Variants in ANKIB1 observed in about 807,000 individuals in gnomAD.
The protein encoded by ANKIB1 is ankyrin repeat and IBR domain containing 1, also known as ankyrin repeat and IBR domain-containing protein 1.
ANKIB1 carries 43 observed loss-of-function variants against 122.1 expected under a neutral mutation model. The observed-to-expected ratio is 0.35, with a 90% CI of 0.28 to 0.45. ANKIB1 has a LOEUF of 0.45. Ranked by LOEUF, ANKIB1 falls within the 20% of genes least tolerant of loss-of-function variation. The pLI is 1.00. For missense variants in ANKIB1, 992 were observed against 1,329.5 expected (o/e 0.75, Z 3.95); for synonymous variants, 390 against 442.0 (o/e 0.88, Z 1.48).
At chr7:92,367,270 A>C (rs1804109118) in intron 10 of ANKIB1, among the ~76,000 whole-genome samples, 2 of 152,338 alleles carry the variant, frequency 1.3e-5, no homozygotes. Flanking sequence ...AAAGCCTAGG[A>C]GTTTTCTCAC....
At chr7:92,276,172 A>C (rs1218645818) in intron 1 of ANKIB1, among the ~76,000 whole-genome samples, 2 of 152,208 alleles carry the variant, frequency 1.3e-5, no homozygotes, top group Non-Finnish European at 2.9e-5. Flanking sequence ...TATATGTAAA[A>C]TCAGGATTCT....
intron 11 of ANKIB1, among the ~76,000 whole-genome samples, chr7:92,384,755 A>G (rs183529591): frequency 1.3e-4 from 20 of 152,322 alleles, no homozygotes; most frequent in Admixed American, 1.0e-3. Flanking sequence ...TTAAAGACTT[A>G]ACTATTAGAC....
chr7:92,394,219 A>G (rs1239454356), intron 17 of ANKIB1, among the ~76,000 whole-genome samples: 2 of 152,192 alleles, frequency 1.3e-5, no homozygotes, highest in African/African-American at 4.8e-5. Flanking sequence ...GCCACTGACA[A>G]AATTGTTGGA....
intron 2 of ANKIB1, among the ~76,000 whole-genome samples, chr7:92,295,433 G>A (rs1802334462): frequency 6.6e-6 from 1 of 152,102 alleles, no homozygotes; most frequent in South Asian, 2.1e-4. Flanking sequence ...TTTTAATGGT[G>A]AGGTTGGTTC....
chr7:92,392,172 C>T, intron 16 of ANKIB1, 69 bp from the exon 17 acceptor site: 1 of 1,324,600 alleles, frequency 7.5e-7, no homozygotes, highest in Non-Finnish European at 1.0e-6. Context: ...GTTCAAAGGG[C>T]AAGGATCTGA....
At chr7:92,274,143 AACT>A (rs1417010113) in intron 1 of ANKIB1, among the ~76,000 whole-genome samples, 1 of 152,114 alleles carries the variant, frequency 6.6e-6, no homozygotes, top group African/African-American at 2.4e-5. Context: ...CCCTCCCCTG[AACT>A]ACTGATATTA....
At chr7:92,329,287 T>A (rs1166824480) in intron 5 of ANKIB1, among the ~76,000 whole-genome samples, 12 of 152,152 alleles carry the variant, frequency 7.9e-5, no homozygotes, top group Non-Finnish European at 1.8e-4. Context: ...TCGATGTTTC[T>A]GACAGTCTAC....
intron 6 of ANKIB1, 40 bp downstream of exon 6, chr7:92,343,272 T>C (rs1316234364): frequency 2.0e-6 from 3 of 1,529,214 alleles, no homozygotes; most frequent in Middle Eastern, 1.7e-4. Flanking sequence ...TAGCTTTGTT[T>C]ATAGTCTTTT....
chr7:92,253,688 T>C (rs1014049451), intron 1 of ANKIB1, among the ~76,000 whole-genome samples: 8 of 152,188 alleles, frequency 5.3e-5, no homozygotes, highest in African/African-American at 1.7e-4. Flanking sequence ...TTTTTACTTA[T>C]CTAGAAAACC....
At position 92,327,672 on chromosome 7, in the gene ANKIB1, T is replaced by C. The variant is rs1314602100; in HGVS notation, c.670-111T>C. The stretch of plus-strand genomic sequence containing the variant: ...TTCAATCTACAGTTGATCCAATCCG[T>C]GGAATGTGGAACCGTGGATACATTG... On this transcript the variant is annotated intron_variant, in intron 4 of 19. Coordinates refer to ENST00000265742, the MANE Select transcript of ANKIB1 (RefSeq NM_019004.2). 5.3e-5 allele frequency: 25 copies of C among 472,876 alleles called. No homozygotes were observed. In the Admixed American group the frequency reaches 1.1e-3, roughly 20 times the overall value. 29.3% of individuals were successfully genotyped at this position (472,876 alleles called of 1,614,324 possible).
intron 3 of ANKIB1, among the ~76,000 whole-genome samples, chr7:92,309,934 A>T (rs1197600667): frequency 2.6e-5 from 3 of 115,642 alleles, no homozygotes; most frequent in East Asian, 3.6e-4. Context: ...AAAAAAAAAA[A>T]AAAAAAAAAT....
intron 1 of ANKIB1, among the ~76,000 whole-genome samples, chr7:92,285,232 C>G (rs1308420820): frequency 3.3e-5 from 5 of 152,140 alleles, no homozygotes; most frequent in African/African-American, 1.2e-4. Flanking sequence ...CCAGGCTGAT[C>G]TCGAACTCCT....
intron 2 of ANKIB1, among the ~76,000 whole-genome samples, chr7:92,304,972 C>A (rs746560083): frequency 2.0e-4 from 30 of 152,088 alleles, no homozygotes; most frequent in Non-Finnish European, 3.8e-4. Context: ...AAGGGAAATT[C>A]TATTCTTATA....
chr7:92,290,673 C>T (rs553568820), intron 1 of ANKIB1, among the ~76,000 whole-genome samples: 1 of 152,230 alleles, frequency 6.6e-6, no homozygotes, highest in South Asian at 2.1e-4. Context: ...AGAACTTCAT[C>T]TTCTGTAAAA....
intron 9 of ANKIB1, among the ~76,000 whole-genome samples, chr7:92,355,159 G>T (rs1192618339): frequency 6.6e-6 from 1 of 152,092 alleles, no homozygotes; most frequent in Non-Finnish European, 1.5e-5. Flanking sequence ...TCTCCCCCTA[G>T]CCTTTATAAT....
At chr7:92,369,148 C>A (rs1412053627) in intron 10 of ANKIB1, among the ~76,000 whole-genome samples, 1 of 152,236 alleles carries the variant, frequency 6.6e-6, no homozygotes, top group East Asian at 1.9e-4. Context: ...GTGGAATTGC[C>A]TCCACAGCTT....
intron 6 of ANKIB1, among the ~76,000 whole-genome samples, 155 bp from the exon 7 acceptor site, chr7:92,344,823 G>T (rs757072873): frequency 6.6e-6 from 1 of 152,056 alleles, no homozygotes; most frequent in Non-Finnish European, 1.5e-5. Flanking sequence ...TTACTGAAAG[G>T]CACACTAACT....
At position 92,280,455 on chromosome 7, in the gene ANKIB1, C is replaced by CCA. The variant is rs1300336051; in HGVS notation, c.-90-14433_-90-14432insAC. Among the ~76,000 whole-genome samples the CCA allele has an allele frequency of 1.5e-4, 22 of 151,148 alleles. No homozygotes were observed. In the East Asian group the frequency reaches 1.8e-3, roughly 12 times the overall value. On this transcript the variant is annotated intron_variant, in intron 1 of 19. Coordinates refer to ENST00000265742, the MANE Select transcript of ANKIB1 (RefSeq NM_019004.2). ...TTAAGAAACGTTTGGAGGGCACCCC[C>CCA]CCCCCCTTTTTTTCCTCTTGAGTTT...
intron 11 of ANKIB1, among the ~76,000 whole-genome samples, chr7:92,378,840 G>C (rs1389807136): frequency 6.6e-6 from 1 of 152,142 alleles, no homozygotes; most frequent in Non-Finnish European, 1.5e-5. Context: ...CAGTTAAGTA[G>C]CAGAGTACAC....
Sources: gnomAD v4.1 joint callset for allele counts (sites outside exome capture counted in the v4.1 genomes callset) on GRCh38, gnomAD v4.1.1 for gene constraint, MANE v1.5 for transcripts, NCBI Gene and HGNC (gene_info 2026-07-23, HGNC 2026-07-21) for gene names.